DACT2: variants seen among roughly 807,000 people sequenced by gnomAD.
The protein encoded by DACT2 is dishevelled binding antagonist of beta catenin 2.
Under a neutral mutation model 22.2 loss-of-function variants are expected in DACT2, and 20 were observed. The ratio of observed to expected loss-of-function variants is 0.90; its 90% confidence interval spans 0.63 to 1.31. DACT2 has a LOEUF of 1.31. Ranked by LOEUF, DACT2 falls within the 50% of genes most tolerant of loss-of-function variation. The probability of loss-of-function intolerance (pLI) is 0.00; values close to 1 mark genes in which losing one functional copy is unlikely to be tolerated. For synonymous variants in DACT2, 463 were observed against 479.8 expected, an observed-to-expected ratio of 0.96 and a Z score of 0.46; for missense variants, 1,048 against 1,061.4, an observed-to-expected ratio of 0.99 and a Z score of 0.18.
At chr6:168,301,373 C>G (rs1236036623) in intron 3 of DACT2, among the ~76,000 whole-genome samples, 1 of 152,212 alleles carries the variant, frequency 6.6e-6, no homozygotes, top group Non-Finnish European at 1.5e-5. Context: ...AAGGCTGGAT[C>G]GTATCTAAAA....
intron 4 of DACT2, chr6:168,294,336 T>A: frequency 1.5e-6 from 1 of 674,680 alleles, no homozygotes. Context: ...GCCACGCTTC[T>A]CCCCTCCTAG....
intron 2 of DACT2, among the ~76,000 whole-genome samples, chr6:168,310,885 G>A (rs1779380466): frequency 6.6e-6 from 1 of 152,204 alleles, no homozygotes; most frequent in Non-Finnish European, 1.5e-5. Context: ...GGCCTCCTGA[G>A]TGCAATAACG....
Position 168,308,132 on chromosome 6 carries a change from C to T in DACT2, c.1625G>A (p.Gly542Glu). 6.5e-7 allele frequency: 1 copy of T among 1,548,932 alleles called. No individual in the cohort carries two copies. The highest frequency in any genetic ancestry group is 8.7e-7 in the Non-Finnish European group (1 of 1,145,720). The change falls in exon 4 of 4, where the codon GGG becomes GAG. Residue 542 changes from glycine (G) to glutamate (E), a missense_variant. Coordinates refer to ENST00000366795, the MANE Select transcript of DACT2 (RefSeq NM_214462.5). Reference protein sequence around the residue: ...LEWDPAHWPTGRGGLQRRPAL... With the variant: ...LEWDPAHWPTERGGLQRRPAL... ...TGGCCTCCGCTGGAGCCCGCCCCTC[C>T]CTGTGGGCCAGTGGGCAGGGTCCCA... is the stretch of plus-strand genomic sequence containing the variant.
rs1779225403 is a variant in DACT2, at chr6:168,307,062, C to T, written c.*370G>A. 1.9e-6 allele frequency: 2 copies of T among 1,039,052 alleles called. No individual in the cohort carries two copies. The highest frequency in any genetic ancestry group is 2.3e-6 in the Non-Finnish European group (2 of 864,130). 64.4% of individuals were successfully genotyped at this position (1,039,052 alleles called of 1,614,324 possible). On this transcript the variant is annotated 3_prime_UTR_variant, in exon 4 of 4. Transcript: ENST00000366795. The surrounding 1 kb of genome is among the most constrained non-coding windows in gnomAD (Gnocchi z 5.3). ...TAAAATGCTTTTGGGGAGGAATGGT[C>T]AAAGGATTGGGAAACACTTCCCCAG...
At position 168,308,412 on chromosome 6, in the gene DACT2, T is replaced by C. The variant is rs1779288169; in HGVS notation, c.1345A>G (p.Thr449Ala). 6.4e-7 allele frequency: 1 copy of C among 1,551,630 alleles called. No individual in the cohort carries two copies. Among genetic ancestry groups the C allele is most frequent in the Non-Finnish European group, 8.7e-7 (1 of 1,147,008 alleles). The change falls in exon 4 of 4, where the codon ACA (threonine) becomes GCA (alanine). Residue 449 changes from threonine to alanine, a missense_variant. Coordinates refer to ENST00000366795, the MANE Select transcript of DACT2 (RefSeq NM_214462.5). ...QASPSSKAQQ[T>A]PSAQDYGRGN... ...CGTCCATAGTCCTGAGCTGAGGGTG[T>C]CTGCTGGGCCTTTGAGCTGGGAGAA...
At chr6:168,312,630 C>T (rs565422329) in intron 1 of DACT2, among the ~76,000 whole-genome samples, 3 of 152,290 alleles carry the variant, frequency 2.0e-5, no homozygotes, top group East Asian at 1.9e-4. Flanking sequence ...GTGCGTCTTT[C>T]AATTCTAAAA....
At chr6:168,297,702 G>C (rs777349651) in intron 3 of DACT2, among the ~76,000 whole-genome samples, 6 of 152,258 alleles carry the variant, frequency 3.9e-5, no homozygotes, top group South Asian at 2.1e-4. Context: ...GAGACATGGG[G>C]TATCTATACA....
rs982851968 is a variant in DACT2 at position 168,293,947 on chromosome 6, A to G, written c.796-6T>C. 43 of 703,342 alleles carry G rather than the reference A, an allele frequency of 6.1e-5. No homozygotes were observed. The Admixed American group carries it at 8.6e-4, about 14-fold the overall frequency. 43.6% of individuals were successfully genotyped at this position (703,342 alleles called of 1,614,324 possible). On this transcript the variant is annotated splice_region_variant and splice_polypyrimidine_tract_variant and intron_variant, in intron 5 of 5. Transcript: ENST00000366796. ...TTTGTCTTTGAACTTGTGTTCTGTA[A>G]GTGACGTCCCCAGGGATGACAGAGA...
chr6:168,302,109 G>T (rs1040817541), downstream of DACT2: 1 of 152,334 alleles, frequency 6.6e-6, no homozygotes, highest in African/African-American at 2.4e-5. Flanking sequence ...ACTGCTTTCC[G>T]TCTCCTCAGG....
chr6:168,313,785 C>T (rs1779481208), intron 1 of DACT2, among the ~76,000 whole-genome samples: 1 of 152,164 alleles, frequency 6.6e-6, no homozygotes, highest in African/African-American at 2.4e-5. Flanking sequence ...GCTTTGTCCT[C>T]CTCCCCCAGC....
rs916690444 is a variant in DACT2 at position 168,311,016 on chromosome 6, A to G, written c.379+136T>C. The stretch of plus-strand genomic sequence containing the variant: ...CCTAACTTTCAGATCAGCCTGACGA[A>G]GCGGCCATCTCCCTGCACGGACACT... On this transcript the variant is annotated intron_variant, in intron 2 of 3. Coordinates refer to ENST00000366795, the MANE Select transcript of DACT2 (RefSeq NM_214462.5). 5.1e-6 allele frequency: 6 copies of G among 1,167,624 alleles called. No individual in the cohort carries two copies. In the South Asian group the frequency reaches 1.4e-4, roughly 26 times the overall value. The allele number at this position is 1,167,624 out of a possible 1,614,324, so 72.3% of individuals were successfully genotyped here.
In DACT2 at chr6:168,309,236, C is replaced by T. The variant is rs117130286; in HGVS notation, c.659-138G>A. 10,294 of 1,348,272 alleles carry T rather than the reference C, an allele frequency of 7.6e-3. 73 individuals are homozygous for T. Among genetic ancestry groups the T allele is most frequent in the South Asian group, 0.015 (999 of 65,382 alleles). 83.5% of individuals were successfully genotyped at this position (1,348,272 alleles called of 1,614,324 possible). On this transcript the variant is annotated intron_variant, in intron 3 of 3. Coordinates refer to ENST00000366795, the MANE Select transcript of DACT2 (RefSeq NM_214462.5). ...AGGAACTCCTGGGTCCCATGGGAGACGGCGACTCACAGTCACTGAGGTCCG... is the reference window on the plus strand; with the variant it reads ...AGGAACTCCTGGGTCCCATGGGAGATGGCGACTCACAGTCACTGAGGTCCG...
intron 1 of DACT2, among the ~76,000 whole-genome samples, chr6:168,314,215 G>A (rs374912274): frequency 1.3e-5 from 2 of 152,196 alleles, no homozygotes; most frequent in South Asian, 2.1e-4. Flanking sequence ...AGCAGCAAGC[G>A]AGCCCTGGAT....
Position 168,308,983 on chromosome 6 carries a change from G to C in DACT2, c.774C>G (p.Pro258=), listed in dbSNP as rs1415352269. 1 of 1,549,546 alleles carries C rather than the reference G, an allele frequency of 6.5e-7. No homozygotes were observed. The change falls in exon 4 of 4, where the codon CCC becomes CCG. Residue 258 remains proline, a synonymous_variant. Transcript: ENST00000366795. ...GVDIPLHVPD[P]KYRQDLVSQG... ...GGGACACCAGGTCCTGCCGATACTT[G>C]GGGTCCGGCACGTGCAGCGGGATAT...
rs973585969 is a variant in DACT2 at position 168,308,625 on chromosome 6, G to A, written c.1132C>T (p.Arg378Ter). The A allele has an allele frequency of 6.5e-6, 10 of 1,544,182 alleles. No individual in the cohort carries two copies. Among genetic ancestry groups the A allele is most frequent in the Admixed American group, 3.9e-5 (2 of 51,010 alleles). ...CTCCCTGGGGCGAAGACCAGCAGTC[G>A]CCCTCCACCGTCTGTACTCCAGCCA... ...QGGWSTDGGG[R>*]LLVFAPGRED... is the part of the protein sequence containing the mutation. Residue 378 changes from arginine to a stop codon, truncating the protein, a stop_gained, in exon 4 of 4, where the codon CGA (arginine) becomes TGA (stop). Transcript: ENST00000366795. LOFTEE classifies it low-confidence loss of function (END_TRUNC).
chr6:168,308,133 CTGTGGGCCAG>C lies in DACT2; in HGVS notation c.1614_1623del (p.His538GlnfsTer216). The stretch of plus-strand genomic sequence containing the variant: ...GGCCTCCGCTGGAGCCCGCCCCTCC[CTGTGGGCCAG>C]TGGGCAGGGTCCCACTCCAGGGATG... On this transcript the variant is annotated frameshift_variant, in exon 4 of 4. Coordinates refer to ENST00000366795, the MANE Select transcript of DACT2 (RefSeq NM_214462.5). LOFTEE classifies it low-confidence loss of function (END_TRUNC). The C allele has an allele frequency of 6.5e-7, 1 of 1,549,394 alleles. No individual in the cohort carries two copies. Among genetic ancestry groups the C allele is most frequent in the South Asian group, 1.2e-5 (1 of 83,922 alleles).
Position 168,308,043 on chromosome 6 carries a change from G to A in DACT2, c.1714C>T (p.Leu572Phe), listed in dbSNP as rs1779267474. The A allele has an allele frequency of 6.5e-7, 1 of 1,549,124 alleles. No homozygotes were observed. The highest frequency in any genetic ancestry group is 8.7e-7 in the Non-Finnish European group (1 of 1,145,590). Reference protein sequence around the residue: ...SESTLYPMPVLVPLAVAPQES... With the variant: ...SESTLYPMPVFVPLAVAPQES... ...TGCGGGGCCACTGCCAAGGGGACGA[G>A]GACAGGCATGGGGTAGAGGGTGGAC... The change falls in exon 4 of 4, where the codon CTC becomes TTC. Residue 572 changes from leucine (L) to phenylalanine (F), a missense_variant. Leu to Phe is a conservative substitution (Grantham distance 22). Coordinates refer to ENST00000366795, the MANE Select transcript of DACT2 (RefSeq NM_214462.5).
Position 168,294,548 on chromosome 6 carries a change from T to A in DACT2, c.730+85A>T, listed in dbSNP as rs956141476. On this transcript the variant is annotated intron_variant, in intron 4 of 5. Coordinates refer to the DACT2 transcript ENST00000366796. ...CTAGAACTTAAAGTATAATAAAATA[T>A]GTGTGTGTGTGTATGTGTGTGTGTG... 17 of 651,630 alleles carry A rather than the reference T, an allele frequency of 2.6e-5. No homozygotes were observed. The African/African-American group carries it at 4.8e-4, about 18-fold the overall frequency. The allele number at this position is 651,630 out of a possible 1,614,324, so 40.4% of individuals were successfully genotyped here.
downstream of DACT2, among the ~76,000 whole-genome samples, chr6:168,306,660 C>T (rs1286811137): frequency 2.4e-4 from 37 of 151,814 alleles, no homozygotes; most frequent in Non-Finnish European, 1.5e-5. Flanking sequence ...CCATGTTGGC[C>T]AGGATGGTCT....
Sources: allele counts gnomAD v4.1 joint callset (sites outside exome capture counted in the v4.1 genomes callset), GRCh38; gene constraint gnomAD v4.1.1; non-coding constraint Gnocchi (gnomAD v3.1); transcripts MANE v1.5; gene names NCBI Gene and HGNC (gene_info 2026-07-23, HGNC 2026-07-21).